The following HSPBAP1 variants were observed in gnomAD, a reference collection of about 807,000 sequenced individuals.
The protein encoded by HSPBAP1 is HSPB1-associated protein 1.
A neutral mutation model predicts 45.2 loss-of-function variants in HSPBAP1; 27 were observed. The ratio of observed to expected loss-of-function variants is 0.60; its 90% confidence interval spans 0.44 to 0.82. The LOEUF (loss-of-function observed/expected upper bound fraction) is 0.82, where lower values mean the gene tolerates loss of function less well. Among genes scored for constraint, HSPBAP1 ranks in the 40% least tolerant of loss-of-function variants. The pLI, the probability that HSPBAP1 is intolerant of heterozygous loss-of-function variation, is 0.00. For missense variants in HSPBAP1, 510 were observed against 590.9 expected (o/e 0.86, Z 1.42); for synonymous variants, 204 against 202.7 (o/e 1.01, Z -0.06).
chr3:122,775,470 T>A (rs1935160802), intron 2 of HSPBAP1, among the ~76,000 whole-genome samples: 1 of 152,088 alleles, frequency 6.6e-6, no homozygotes, highest in Non-Finnish European at 1.5e-5. Flanking sequence ...TAGTTATAAT[T>A]TTTTTTTCTT....
chr3:122,774,035 G>A (rs1285354962), intron 2 of HSPBAP1, among the ~76,000 whole-genome samples: 4 of 152,186 alleles, frequency 2.6e-5, no homozygotes, highest in East Asian at 3.9e-4. Flanking sequence ...AACCGCCTTC[G>A]TGCAAAGCCC....
intron 4 of HSPBAP1, among the ~76,000 whole-genome samples, chr3:122,757,472 A>C (rs16833507): frequency 0.096 from 14,591 of 152,204 alleles, 950 homozygotes; most frequent in African/African-American, 0.17. Context: ...CCTGATCTTT[A>C]CAACAGGAAC....
At chr3:122,758,415 T>C (rs1301100867) in intron 4 of HSPBAP1, among the ~76,000 whole-genome samples, 1 of 152,172 alleles carries the variant, frequency 6.6e-6, no homozygotes, top group East Asian at 1.9e-4. Context: ...TTGTGTCAAG[T>C]AGGCACAAAC....
intron 2 of HSPBAP1, among the ~76,000 whole-genome samples, chr3:122,773,031 TG>T (rs1199068295): frequency 6.6e-6 from 1 of 151,974 alleles, no homozygotes; most frequent in Non-Finnish European, 1.5e-5. Context: ...ATTTTTTTTT[TG>T]TAGAGACAGG....
intron 3 of HSPBAP1, among the ~76,000 whole-genome samples, chr3:122,766,093 C>A (rs1336295855): frequency 6.6e-6 from 1 of 152,180 alleles, no homozygotes; most frequent in Non-Finnish European, 1.5e-5. Context: ...CTTCTTACAG[C>A]CAGACATCAA....
rs369636373 is a variant in HSPBAP1, at chr3:122,740,455, T to C, written c.1357A>G (p.Thr453Ala). ...AIEEQIASNT[T>A]TTPQTFISTD... ...GAAATGAATGTTTGAGGAGTCGTAG[T>C]AGTATTTGAGGCAATCTGTTCCTCA... The change falls in exon 8 of 8, where the codon ACT (threonine) becomes GCT (alanine). Residue 453 changes from threonine (T) to alanine (A), a missense_variant. Thr to Ala is a moderately conservative substitution (Grantham distance 58). Coordinates refer to ENST00000306103, the MANE Select transcript of HSPBAP1 (RefSeq NM_024610.6). The C allele has an allele frequency of 9.3e-6, 15 of 1,614,020 alleles. No individual in the cohort carries two copies. Among genetic ancestry groups the C allele is most frequent in the Non-Finnish European group, 1.3e-5 (15 of 1,179,844 alleles).
intron 3 of HSPBAP1, among the ~76,000 whole-genome samples, chr3:122,762,795 T>G (rs1480560752): frequency 1.3e-5 from 2 of 152,218 alleles, no homozygotes; most frequent in Non-Finnish European, 2.9e-5. Context: ...CAGAATATAA[T>G]CAATCTTGAT....
Position 122,754,579 on chromosome 3 carries a change from G to A in HSPBAP1, c.741+681C>T, listed in dbSNP as rs1934273179. On this transcript the variant is annotated intron_variant, in intron 5 of 7. Coordinates refer to ENST00000306103, the MANE Select transcript of HSPBAP1 (RefSeq NM_024610.6). ...TGAAGGAAGCAGGAAAAGAGCCAGT[G>A]AGACCGGTACAATGGATGGAAGACA... The A allele has an allele frequency of 9.1e-6, 9 of 984,744 alleles. No homozygotes were observed. In the South Asian group the frequency reaches 4.2e-4, roughly 46 times the overall value. The allele number at this position is 984,744 out of a possible 1,614,324, so 61.0% of individuals were successfully genotyped here.
chr3:122,789,136 G>A (rs981118246), intron 1 of HSPBAP1, among the ~76,000 whole-genome samples: 1 of 152,060 alleles, frequency 6.6e-6, no homozygotes, highest in African/African-American at 2.4e-5. Context: ...TTAAAAATGA[G>A]AACAAAAATG....
intron 2 of HSPBAP1, among the ~76,000 whole-genome samples, chr3:122,772,046 A>G (rs906405078): frequency 6.6e-6 from 1 of 152,280 alleles, no homozygotes; most frequent in African/African-American, 2.4e-5. Flanking sequence ...ACAACCAGTT[A>G]GAAAACTGTA....
intron 4 of HSPBAP1, among the ~76,000 whole-genome samples, chr3:122,756,414 G>C (rs1934357777): frequency 1.3e-5 from 2 of 152,186 alleles, no homozygotes; most frequent in Non-Finnish European, 2.9e-5. Flanking sequence ...AGCCATGTAT[G>C]GTGGCTCACT....
intron 2 of HSPBAP1, 96 bp from the exon 3 acceptor site, chr3:122,768,978 T>A: frequency 1.1e-6 from 1 of 923,092 alleles, no homozygotes; most frequent in Non-Finnish European, 1.6e-6. Context: ...ACCAAAAAAT[T>A]AACTTTGAAG....
intron 6 of HSPBAP1, among the ~76,000 whole-genome samples, chr3:122,748,735 T>C (rs993936601): frequency 4.6e-5 from 7 of 152,216 alleles, no homozygotes; most frequent in African/African-American, 1.4e-4. Context: ...AATCCATTGT[T>C]AAGATCTCCC....
chr3:122,748,013 A>G (rs61829229), intron 6 of HSPBAP1, among the ~76,000 whole-genome samples: 9 of 152,128 alleles, frequency 5.9e-5, no homozygotes, highest in Non-Finnish European at 8.8e-5. Flanking sequence ...AGACATGGGA[A>G]ACTTTTCATT....
chr3:122,767,341 C>T (rs1214016682), intron 3 of HSPBAP1, among the ~76,000 whole-genome samples: 1 of 152,144 alleles, frequency 6.6e-6, no homozygotes, highest in African/African-American at 2.4e-5. Flanking sequence ...GAATTTGAGA[C>T]CACCCTGGCC....
At chr3:122,743,654 G>A (rs1933748965) in intron 6 of HSPBAP1, among the ~76,000 whole-genome samples, 2 of 152,110 alleles carry the variant, frequency 1.3e-5, no homozygotes, top group Non-Finnish European at 2.9e-5. Context: ...GGGTCATATG[G>A]TATATCAGTC....
At chr3:122,760,408 T>A (rs1445318487) in intron 3 of HSPBAP1, among the ~76,000 whole-genome samples, 2 of 151,654 alleles carry the variant, frequency 1.3e-5, no homozygotes, top group Non-Finnish European at 2.9e-5. Flanking sequence ...TCGTTCTCAA[T>A]GCTGACACTC....
At chr3:122,785,848 G>C (rs1234889870) in intron 1 of HSPBAP1, among the ~76,000 whole-genome samples, 4 of 152,182 alleles carry the variant, frequency 2.6e-5, no homozygotes, top group African/African-American at 9.6e-5. Context: ...AATATAGATA[G>C]ATAGATAGAT....
intron 6 of HSPBAP1, among the ~76,000 whole-genome samples, chr3:122,742,920 A>G (rs560562210): frequency 6.6e-6 from 1 of 152,344 alleles, no homozygotes; most frequent in African/African-American, 2.4e-5. Flanking sequence ...GTATTTATAG[A>G]TATCTACATT....
Sources: allele counts gnomAD v4.1 joint callset (sites outside exome capture counted in the v4.1 genomes callset), GRCh38; gene constraint gnomAD v4.1.1; transcripts MANE v1.5; gene names NCBI Gene and HGNC (gene_info 2026-07-23, HGNC 2026-07-21).